CNTNAP2: variants seen among roughly 807,000 people sequenced by gnomAD.
The protein encoded by CNTNAP2 is contactin associated protein 2, also known as contactin-associated protein-like 2.
CNTNAP2 carries 98 observed loss-of-function variants against 155.2 expected under a neutral mutation model. The ratio of observed to expected loss-of-function variants is 0.63; its 90% CI spans 0.54 to 0.75. CNTNAP2 has a LOEUF of 0.75. Among genes scored for constraint, CNTNAP2 ranks in the 30% least tolerant of loss-of-function variants. The probability of loss-of-function intolerance (pLI) is 0.00; values close to 1 mark genes in which losing one functional copy is unlikely to be tolerated. For missense variants in CNTNAP2, 1,727 were observed against 1,688.1 expected, an observed-to-expected ratio of 1.02 and a Z score of -0.40; for synonymous variants, 651 against 631.2, an observed-to-expected ratio of 1.03 and a Z score of -0.47.
intron 3 of CNTNAP2, among the ~76,000 whole-genome samples, chr7:146,935,116 G>T (rs80076373): frequency 0.018 from 2,759 of 152,258 alleles, 48 homozygotes; most frequent in East Asian, 0.045. Flanking sequence ...AACCTTTAAG[G>T]TAAATCTAAC....
At chr7:146,370,904 C>G (rs1488103126) in intron 1 of CNTNAP2, among the ~76,000 whole-genome samples, 6 of 152,088 alleles carry the variant, frequency 3.9e-5, no homozygotes, top group Admixed American at 3.3e-4. Context: ...TGTGATCTAT[C>G]AAATTTATTG....
chr7:148,037,873 G>C (rs1444167605), intron 15 of CNTNAP2, among the ~76,000 whole-genome samples: 1 of 152,156 alleles, frequency 6.6e-6, no homozygotes, highest in Non-Finnish European at 1.5e-5. Flanking sequence ...TGGTGGGACA[G>C]CGATCCATGT....
At chr7:146,476,270 A>G (rs1796875969) in intron 1 of CNTNAP2, among the ~76,000 whole-genome samples, 1 of 152,194 alleles carries the variant, frequency 6.6e-6, no homozygotes, top group South Asian at 2.1e-4. Context: ...AGTAATTGCA[A>G]TATTCACCCA....
At chr7:146,522,139 A>G (rs528940393) in intron 1 of CNTNAP2, among the ~76,000 whole-genome samples, 12 of 152,086 alleles carry the variant, frequency 7.9e-5, no homozygotes, top group Non-Finnish European at 1.6e-4. Context: ...CTTAAAAGCA[A>G]AAGGCAATTT....
At chr7:146,175,865 C>A (rs1316527444) in intron 1 of CNTNAP2, among the ~76,000 whole-genome samples, 2 of 151,972 alleles carry the variant, frequency 1.3e-5, no homozygotes, top group Non-Finnish European at 2.9e-5. Flanking sequence ...CTTTCTTTCT[C>A]TCTTCTTTTT....
chr7:146,958,538 C>T (rs532633889), intron 3 of CNTNAP2, among the ~76,000 whole-genome samples: 1 of 150,272 alleles, frequency 6.7e-6, no homozygotes, highest in Non-Finnish European at 1.5e-5. Context: ...CTCAGCCTCC[C>T]GAGTAGCTGG....
intron 1 of CNTNAP2, among the ~76,000 whole-genome samples, chr7:146,635,210 T>G (rs1799577673): frequency 6.6e-6 from 1 of 152,188 alleles, no homozygotes; most frequent in Non-Finnish European, 1.5e-5. Context: ...ATACTAGTAG[T>G]GTATAAAAAT....
chr7:147,379,601 A>T (rs138575193), intron 9 of CNTNAP2, among the ~76,000 whole-genome samples: 1 of 152,208 alleles, frequency 6.6e-6, no homozygotes, highest in Non-Finnish European at 1.5e-5. Context: ...TAATTCAGCA[A>T]GTTTATGGCT....
intron 8 of CNTNAP2, among the ~76,000 whole-genome samples, chr7:147,237,049 CTTTTTTTTTTTTTTTTT>C (rs548220734): frequency 7.7e-4 from 44 of 57,476 alleles, no homozygotes; most frequent in African/African-American, 1.6e-3. Context: ...TTCACCTCCT[CTTTTTTTTTTTTTTTTT>C]TTTTTTTTTT....
intron 13 of CNTNAP2, among the ~76,000 whole-genome samples, chr7:147,792,072 G>A (rs1563090785): frequency 6.6e-6 from 1 of 152,124 alleles, no homozygotes; most frequent in Non-Finnish European, 1.5e-5. Context: ...GTTCTACAGG[G>A]GATGTGGTCC....
chr7:146,280,927 G>A (rs919257799), intron 1 of CNTNAP2, among the ~76,000 whole-genome samples: 3 of 152,138 alleles, frequency 2.0e-5, no homozygotes, highest in African/African-American at 7.2e-5. Context: ...GATTACCTGA[G>A]GAACTTCTCA....
chr7:146,504,929 C>T (rs756950541), intron 1 of CNTNAP2, among the ~76,000 whole-genome samples: 47 of 152,260 alleles, frequency 3.1e-4, no homozygotes, highest in South Asian at 6.2e-4. Flanking sequence ...TATATGTGTT[C>T]AGACTATGGC....
At chr7:146,473,350 C>T (rs1796827695) in intron 1 of CNTNAP2, among the ~76,000 whole-genome samples, 1 of 152,026 alleles carries the variant, frequency 6.6e-6, no homozygotes, top group Non-Finnish European at 1.5e-5. Context: ...GATAAAAAGT[C>T]CTTGAATTAT....
Position 148,181,311 on chromosome 7 carries a change from T to A in CNTNAP2, c.3010+8833T>A, listed in dbSNP as rs117964848. Among the ~76,000 whole-genome samples the A allele has an allele frequency of 6.2e-3, 946 of 152,174 alleles. 3 individuals carry two copies. Among genetic ancestry groups the A allele is most frequent in the South Asian group, 0.012 (60 of 4,814 alleles). On this transcript the variant is annotated intron_variant, in intron 18 of 23. Transcript: ENST00000361727. ...TATGTCCCTCTAGAGAGAACCCTAA[T>A]ACCATAACGCATGAAAATAATCTGA... is the stretch of plus-strand genomic sequence containing the variant.
chr7:146,940,746 C>G (rs1234914903), intron 3 of CNTNAP2, among the ~76,000 whole-genome samples: 1 of 151,420 alleles, frequency 6.6e-6, no homozygotes, highest in East Asian at 1.9e-4. Context: ...TACACACACA[C>G]TGCACTATAT....
At chr7:147,688,858 G>A (rs528639466) in intron 13 of CNTNAP2, among the ~76,000 whole-genome samples, 78 of 152,210 alleles carry the variant, frequency 5.1e-4, no homozygotes, top group African/African-American at 1.7e-3. Context: ...AAACTCACTC[G>A]TGAATTCCCT....
At chr7:146,196,374 T>G (rs1798775298) in intron 1 of CNTNAP2, among the ~76,000 whole-genome samples, 1 of 152,176 alleles carries the variant, frequency 6.6e-6, no homozygotes, top group Non-Finnish European at 1.5e-5. Context: ...CATTGGCATA[T>G]GTATACCAAT....
At chr7:148,175,511 G>A (rs1794917843) in intron 18 of CNTNAP2, among the ~76,000 whole-genome samples, 1 of 152,104 alleles carries the variant, frequency 6.6e-6, no homozygotes, top group Admixed American at 6.6e-5. Context: ...CAATGCATTT[G>A]TTAAATCTCA....
chr7:148,209,777 G>T (rs540093557), intron 18 of CNTNAP2, among the ~76,000 whole-genome samples: 1 of 152,244 alleles, frequency 6.6e-6, no homozygotes, highest in East Asian at 1.9e-4. Flanking sequence ...GGAGTTACCC[G>T]TTGCTTTCTG....
Sources: gnomAD v4.1 joint callset for allele counts (sites outside exome capture counted in the v4.1 genomes callset) on GRCh38, gnomAD v4.1.1 for gene constraint, MANE v1.5 for transcripts, NCBI Gene and HGNC (gene_info 2026-07-23, HGNC 2026-07-21) for gene names.